Variants in LAMA1 observed in about 807,000 individuals in gnomAD.
LAMA1 encodes laminin subunit alpha 1.
A neutral mutation model predicts 348.7 loss-of-function variants in LAMA1; 219 were observed. The observed-to-expected ratio is 0.63, with a 90% CI of 0.56 to 0.70. The LOEUF is 0.70. Among genes scored for constraint, LAMA1 ranks in the 30% least tolerant of loss-of-function variants. The probability of loss-of-function intolerance (pLI) is 0.00; values close to 1 mark genes in which losing one functional copy is unlikely to be tolerated. For missense variants in LAMA1, 3,744 were observed against 3,888.0 expected (o/e 0.96, Z 0.99); for synonymous variants, 1,487 against 1,491.0 (o/e 1.00, Z 0.06).
At chr18:7,013,541 C>T (rs565905697) in intron 23 of LAMA1, among the ~76,000 whole-genome samples, 1 of 152,270 alleles carries the variant, frequency 6.6e-6, no homozygotes, top group African/African-American at 2.4e-5. Flanking sequence ...ACTCAAGATA[C>T]GCAGCCACTC....
intron 1 of LAMA1, among the ~76,000 whole-genome samples, chr18:7,108,640 CAAAAAAA>C (rs58802341): frequency 2.7e-4 from 11 of 40,238 alleles, no homozygotes; most frequent in Admixed American, 4.2e-4. Context: ...GACTCTGTCT[CAAAAAAA>C]AAAAAAAAAA....
intron 55 of LAMA1, 51 bp from the exon 56 acceptor site, chr18:6,956,816 C>G: frequency 6.3e-7 from 1 of 1,597,398 alleles, no homozygotes; most frequent in Non-Finnish European, 8.6e-7. Context: ...ACAAACCAGT[C>G]CATGAACCCA....
chr18:6,947,333 G>A (rs372758962), intron 60 of LAMA1, 37 bp from the exon 61 acceptor site: 44 of 1,612,124 alleles, frequency 2.7e-5, no homozygotes, highest in Admixed American at 6.7e-5. Context: ...CAGGGTGAGC[G>A]CTGCCAGGCC....
At chr18:7,044,610 A>G in intron 7 of LAMA1, 112 bp downstream of exon 7, 1 of 898,580 alleles carries the variant, frequency 1.1e-6, no homozygotes, top group South Asian at 1.3e-5. Flanking sequence ...AAACTACTTA[A>G]ATTTCTAAGA....
At chr18:6,962,443 A>G (rs913032701) in intron 51 of LAMA1, among the ~76,000 whole-genome samples, 4 of 145,812 alleles carry the variant, frequency 2.7e-5, no homozygotes, top group Non-Finnish European at 6.0e-5. Flanking sequence ...GGTGGGGGGA[A>G]CCCTATACTT....
chr18:7,021,945 T>A (rs1055969655), intron 19 of LAMA1, among the ~76,000 whole-genome samples: 8 of 150,880 alleles, frequency 5.3e-5, no homozygotes, highest in African/African-American at 2.0e-4. Flanking sequence ...GAACTTTAAA[T>A]GTTACCGCAC....
intron 48 of LAMA1, 37 bp from the exon 49 acceptor site, chr18:6,966,334 A>C: frequency 6.3e-7 from 1 of 1,597,220 alleles, no homozygotes; most frequent in African/African-American, 1.3e-5. Flanking sequence ...ATCCATTCTC[A>C]GGAGGGTAGA....
rs2057976078 is a variant in LAMA1 at position 7,032,721 on chromosome 18, A to C, written c.2163+263T>G. Among the ~76,000 whole-genome samples, 3 of 152,312 alleles carry C rather than the reference A, an allele frequency of 2.0e-5. No homozygotes were observed. The South Asian group carries it at 6.2e-4, about 32-fold the overall frequency. ...CCTTAGAAACACAGTCAATGGCATGAGTATTGCAAGTTTCTTGTTGACTAA... is the reference window on the plus strand; with the variant it reads ...CCTTAGAAACACAGTCAATGGCATGCGTATTGCAAGTTTCTTGTTGACTAA... On this transcript the variant is annotated intron_variant, in intron 15 of 62. Transcript: ENST00000389658.
At chr18:7,098,785 C>T (rs1361518878) in intron 1 of LAMA1, among the ~76,000 whole-genome samples, 2 of 130,532 alleles carry the variant, frequency 1.5e-5, no homozygotes, top group Non-Finnish European at 3.4e-5. Context: ...TGCCCGGCCA[C>T]CCCTACTGGG....
intron 37 of LAMA1, 112 bp downstream of exon 37, chr18:6,986,025 T>C: frequency 8.4e-7 from 1 of 1,188,940 alleles, no homozygotes; most frequent in South Asian, 1.2e-5. Context: ...CCCAAAGTGC[T>C]GGGATTACAA....
intron 19 of LAMA1, 31 bp downstream of exon 19, chr18:7,023,133 A>G (rs952465054): frequency 1.9e-6 from 3 of 1,598,884 alleles, no homozygotes; most frequent in Non-Finnish European, 2.6e-6. Flanking sequence ...GGCAATAAAC[A>G]GCTGACCTGA....
intron 1 of LAMA1, among the ~76,000 whole-genome samples, chr18:7,081,404 ATCTAGGATTTTTTTTGTCTCTC>A (rs1273251934): frequency 2.0e-5 from 3 of 152,152 alleles, no homozygotes; most frequent in Non-Finnish European, 4.4e-5. Flanking sequence ...TTCTATAATT[ATCTAGGATTTTTTTTGTCTCTC>A]TCTTCTCTTT....
At chr18:7,109,410 T>G (rs1290669483) in intron 1 of LAMA1, among the ~76,000 whole-genome samples, 4 of 152,250 alleles carry the variant, frequency 2.6e-5, no homozygotes, top group African/African-American at 4.8e-5. Context: ...CATGTCATTC[T>G]GGACCAGCCA....
chr18:7,048,397 A>C (rs988460824), intron 5 of LAMA1, among the ~76,000 whole-genome samples: 2 of 152,010 alleles, frequency 1.3e-5, no homozygotes, highest in African/African-American at 4.8e-5. Flanking sequence ...TCAGACTACA[A>C]AAACGGACAC....
chr18:7,031,989 A>G, intron 16 of LAMA1, 77 bp downstream of exon 16: 1 of 1,248,840 alleles, frequency 8.0e-7, no homozygotes, highest in Non-Finnish European at 1.2e-6. Context: ...GAAGCACTTA[A>G]AAAAAAATCA....
chr18:6,972,009 C>A, intron 47 of LAMA1, 28 bp from the exon 48 acceptor site: 1 of 1,612,554 alleles, frequency 6.2e-7, no homozygotes, highest in East Asian at 2.2e-5. Context: ...ACAAACATAA[C>A]CAATATATAA....
chr18:7,063,331 G>A (rs935531153), intron 3 of LAMA1, among the ~76,000 whole-genome samples: 11 of 152,050 alleles, frequency 7.2e-5, no homozygotes, highest in Non-Finnish European at 1.2e-4. Context: ...TTTTTTAAAA[G>A]AGAATATCCA....
chr18:7,037,668 G>A lies in LAMA1; in HGVS notation c.1647C>T (p.Arg549=). ...CGGTGTTGTTGATGCTGACCTGATG[G>A]CGCCCGCCTAGTGCATCTTGCTGAG... ...IPSQQDALGG[R]HQVSINNTAV... The change falls in exon 12 of 63, where the codon CGC becomes CGT. Residue 549 remains arginine, a synonymous_variant. Transcript: ENST00000389658. 2 of 1,614,138 alleles carry A rather than the reference G, an allele frequency of 1.2e-6. No homozygotes were observed.
intron 25 of LAMA1, among the ~76,000 whole-genome samples, chr18:7,010,874 A>G (rs1320972400): frequency 6.6e-6 from 1 of 152,240 alleles, no homozygotes; most frequent in African/African-American, 2.4e-5. Context: ...TTGTACCAAG[A>G]GCATATCAGT....
Sources: gnomAD v4.1 joint callset for allele counts (sites outside exome capture counted in the v4.1 genomes callset) on GRCh38, gnomAD v4.1.1 for gene constraint, MANE v1.5 for transcripts, NCBI Gene and HGNC (gene_info 2026-07-23, HGNC 2026-07-21) for gene names.